Variants in KANK1 observed in about 807,000 individuals in gnomAD.
KANK1 encodes KN motif and ankyrin repeat domain-containing protein 1.
KANK1 carries 109 observed loss-of-function variants against 106.2 expected under a neutral mutation model. The ratio of observed to expected loss-of-function variants is 1.03; its 90% CI spans 0.88 to 1.20. The LOEUF (loss-of-function observed/expected upper bound fraction) is 1.20. Ranked by LOEUF, KANK1 falls within the 50% of genes most tolerant of loss-of-function variation. The probability of loss-of-function intolerance (pLI) is 0.00; values close to 1 mark genes in which losing one functional copy is unlikely to be tolerated. For synonymous variants in KANK1, 873 were observed against 652.2 expected (o/e 1.34, Z -5.16); for missense variants, 2,399 against 1,710.7 (o/e 1.40, Z -7.10).
intron 1 of KANK1, among the ~76,000 whole-genome samples, chr9:538,236 C>G (rs567846161): frequency 7.9e-5 from 12 of 152,002 alleles, no homozygotes; most frequent in African/African-American, 2.6e-4. Context: ...TGAGAAAGAT[C>G]GTGTTGCAAA....
At chr9:532,891 A>G (rs559656998) in intron 1 of KANK1, among the ~76,000 whole-genome samples, 3 of 152,268 alleles carry the variant, frequency 2.0e-5, no homozygotes, top group African/African-American at 7.2e-5. Context: ...ATTGGGGTAT[A>G]ATAAACCTTG....
chr9:740,677 C>T (rs1835194360), intron 8 of KANK1, 115 bp from the exon 9 acceptor site: 1 of 1,161,178 alleles, frequency 8.6e-7, no homozygotes, highest in African/African-American at 1.6e-5. Context: ...GGTCTCCAGC[C>T]ACCTGGTACC....
chr9:636,668 C>G (rs1837209672), intron 1 of KANK1, among the ~76,000 whole-genome samples: 1 of 152,206 alleles, frequency 6.6e-6, no homozygotes, highest in Non-Finnish European at 1.5e-5. Context: ...GAGTTCGAGA[C>G]CAGTCTGGCC....
At chr9:585,816 A>C (rs2135419302) in intron 1 of KANK1, among the ~76,000 whole-genome samples, 1 of 152,312 alleles carries the variant, frequency 6.6e-6, no homozygotes, top group East Asian at 1.9e-4. Context: ...TGTTCTTGGG[A>C]AAATGATCAG....
intron 9 of KANK1, among the ~76,000 whole-genome samples, chr9:741,374 C>G (rs1053130944): frequency 6.6e-6 from 1 of 151,550 alleles, no homozygotes; most frequent in Non-Finnish European, 1.5e-5. Flanking sequence ...GGCTGGAGTG[C>G]AGTGGCGGGA....
intron 1 of KANK1, among the ~76,000 whole-genome samples, chr9:608,271 T>A (rs1829788338): frequency 6.6e-6 from 1 of 151,154 alleles, no homozygotes; most frequent in Admixed American, 6.6e-5. Flanking sequence ...TCTCCTGACC[T>A]CATGATCCAC....
chr9:585,213 A>G (rs887660123), intron 1 of KANK1, among the ~76,000 whole-genome samples: 2 of 152,170 alleles, frequency 1.3e-5, no homozygotes, highest in East Asian at 3.8e-4. Flanking sequence ...TGGAGCTTCA[A>G]CCATCATCTT....
At chr9:703,796 C>T (rs1009262001) in intron 2 of KANK1, among the ~76,000 whole-genome samples, 15 of 151,980 alleles carry the variant, frequency 9.9e-5, no homozygotes, top group African/African-American at 3.6e-4. Context: ...ACTGCAACCT[C>T]CACCTCTCTG....
chr9:586,723 G>T (rs1365894854), intron 1 of KANK1, among the ~76,000 whole-genome samples: 1 of 152,170 alleles, frequency 6.6e-6, no homozygotes. Flanking sequence ...GAACAGAACA[G>T]AAGGTGGAAA....
At chr9:531,699 T>C (rs2060063947) in intron 1 of KANK1, among the ~76,000 whole-genome samples, 1 of 152,234 alleles carries the variant, frequency 6.6e-6, no homozygotes, top group Non-Finnish European at 1.5e-5. Flanking sequence ...GAAAAAAGTC[T>C]TTATTTGCCT....
rs576431607 is a variant in KANK1, at chr9:499,131, T to C, written c.-362+25858T>C. Among the ~76,000 whole-genome samples, 728 of 148,342 alleles carry C rather than the reference T, an allele frequency of 4.9e-3. 9 individuals are homozygous for C. Among genetic ancestry groups the C allele is most frequent in the African/African-American group, 0.017 (695 of 39,938 alleles). Reference sequence around the variant, plus strand: ...AGGCGGAGCTTGCAGTGAGCCGAGATCACACCACTGCACTCCAACCTGGGC... The same window carrying C: ...AGGCGGAGCTTGCAGTGAGCCGAGACCACACCACTGCACTCCAACCTGGGC... On this transcript the variant is annotated intron_variant, in intron 3 of 15. Transcript: ENST00000382303.
intron 1 of KANK1, among the ~76,000 whole-genome samples, chr9:602,850 T>G (rs1828116240): frequency 6.6e-6 from 1 of 151,936 alleles, no homozygotes; most frequent in South Asian, 2.1e-4. Context: ...GATTCCAGCA[T>G]GACTCCTTTG....
chr9:528,744 T>A (rs964863194), intron 1 of KANK1, among the ~76,000 whole-genome samples: 1 of 152,108 alleles, frequency 6.6e-6, no homozygotes, highest in African/African-American at 2.4e-5. Context: ...CGCCTCGGCC[T>A]CCCAAAGTGC....
At chr9:490,316 G>C (rs944448320) in intron 3 of KANK1, among the ~76,000 whole-genome samples, 1 of 152,020 alleles carries the variant, frequency 6.6e-6, no homozygotes, top group Non-Finnish European at 1.5e-5. Context: ...GACCATCCTG[G>C]GCAACAAAGT....
At chr9:479,712 C>T (rs1480199301) in intron 3 of KANK1, among the ~76,000 whole-genome samples, 1 of 152,202 alleles carries the variant, frequency 6.6e-6, no homozygotes, top group African/African-American at 2.4e-5. Flanking sequence ...AGAAGAGAAA[C>T]ATGCAAATGG....
At chr9:589,621 G>C (rs916219284) in intron 1 of KANK1, among the ~76,000 whole-genome samples, 1 of 152,046 alleles carries the variant, frequency 6.6e-6, no homozygotes, top group Non-Finnish European at 1.5e-5. Context: ...TCATCTTTGA[G>C]ACTGAAGGAA....
rs186471975 is a variant in KANK1 at position 566,523 on chromosome 9, A to G, written c.-84+61769A>G. Among the ~76,000 whole-genome samples, 58 of 152,186 alleles carry G rather than the reference A, an allele frequency of 3.8e-4. No individual in the cohort carries two copies. The East Asian group carries it at 8.7e-3, about 23-fold the overall frequency. On this transcript the variant is annotated intron_variant, in intron 1 of 11. Transcript: ENST00000382297. ...CTCTGCAACCTCGCCAGCACCTGTT[A>G]TGTTTTGATTTCTTGATAATAGCCA...
intron 1 of KANK1, among the ~76,000 whole-genome samples, chr9:532,316 A>C (rs1203586134): frequency 1.6e-5 from 2 of 127,568 alleles, no homozygotes; most frequent in Admixed American, 9.3e-5. Flanking sequence ...ATCTCGGCTC[A>C]CCGCAACCTC....
intron 1 of KANK1, among the ~76,000 whole-genome samples, chr9:640,514 C>A (rs918670983): frequency 6.6e-6 from 1 of 151,966 alleles, no homozygotes; most frequent in African/African-American, 2.4e-5. Context: ...TCTTCCACCT[C>A]AGCCTCCTGA....
Sources: gnomAD v4.1 joint callset for allele counts (sites outside exome capture counted in the v4.1 genomes callset) on GRCh38, gnomAD v4.1.1 for gene constraint, MANE v1.5 for transcripts, NCBI Gene and HGNC (gene_info 2026-07-23, HGNC 2026-07-21) for gene names.